The following TRERF1 variants were observed in gnomAD, a reference collection of about 807,000 sequenced individuals.
The protein encoded by TRERF1 is transcriptional regulating factor 1.
TRERF1 carries 27 observed loss-of-function variants against 122.9 expected under a neutral mutation model. The ratio of observed to expected loss-of-function variants is 0.22; its 90% CI spans 0.16 to 0.30. TRERF1 has a LOEUF of 0.30. Ranked by LOEUF, TRERF1 falls within the 10% of genes least tolerant of loss-of-function variation. TRERF1 has a pLI of 1.00. For synonymous variants in TRERF1, 636 were observed against 641.7 expected (o/e 0.99, Z 0.13); for missense variants, 1,248 against 1,560.3 (o/e 0.80, Z 3.37).
chr6:42,318,747 G>C (rs548936361), intron 3 of TRERF1, among the ~76,000 whole-genome samples: 1 of 152,354 alleles, frequency 6.6e-6, no homozygotes, highest in South Asian at 2.1e-4. Flanking sequence ...GCAGAGTTCA[G>C]TAGCTGCAAT....
At chr6:42,236,286 C>T in exon 16 of TRERF1, 15 of 1,612,260 alleles carry the variant, frequency 9.3e-6, no homozygotes, top group Non-Finnish European at 1.3e-5. Context: ...CCGTGGGAGC[C>T]AGGACGGGGA....
At chr6:42,282,553 A>C (rs1782480763) in intron 4 of TRERF1, among the ~76,000 whole-genome samples, 1 of 152,196 alleles carries the variant, frequency 6.6e-6, no homozygotes, top group Admixed American at 6.5e-5. Context: ...GTCCCAAACA[A>C]ACAAACAAAC....
intron 2 of TRERF1, among the ~76,000 whole-genome samples, chr6:42,450,175 T>A (rs778078414): frequency 2.0e-5 from 3 of 152,210 alleles, no homozygotes; most frequent in Admixed American, 6.5e-5. Context: ...CTCCAGTCAG[T>A]GAGCATCAAC....
intron 6 of TRERF1, among the ~76,000 whole-genome samples, chr6:42,265,098 C>T (rs1778915195): frequency 1.3e-5 from 2 of 152,194 alleles, no homozygotes; most frequent in Non-Finnish European, 2.9e-5. Context: ...AACAAAATGT[C>T]CTTCTTCATA....
At chr6:42,359,516 G>A (rs921894429) in intron 3 of TRERF1, among the ~76,000 whole-genome samples, 2 of 152,186 alleles carry the variant, frequency 1.3e-5, no homozygotes, top group Admixed American at 6.5e-5. Flanking sequence ...ATGAGGTCAG[G>A]AGATTGAGAC....
chr6:42,225,948 C>T (rs1328936672), exon 18 of TRERF1: 1 of 151,834 alleles, frequency 6.6e-6, no homozygotes, highest in African/African-American at 2.4e-5. Context: ...AGACATTAAC[C>T]ATTAGGAAGA....
chr6:42,268,754 C>T lies in TRERF1; in HGVS notation c.837G>A (p.Gly279=). The change falls in exon 5 of 18, where the codon GGG becomes GGA. Residue 279 remains glycine, a synonymous_variant. Transcript: ENST00000372922. This position sits in a 1 kb window ranked among gnomAD's most constrained non-coding sequence, Gnocchi z 4.4. ...TTTCTTGCATGGAGATACGCTGTTG[C>T]CCGGCTTGCTGCTGTTGCTGCGGTG... 6.2e-7 allele frequency: 1 copy of T among 1,614,164 alleles called. No individual in the cohort carries two copies. The highest frequency in any genetic ancestry group is 8.5e-7 in the Non-Finnish European group (1 of 1,180,044).
intron 2 of TRERF1, among the ~76,000 whole-genome samples, chr6:42,387,723 A>G (rs970003130): frequency 4.6e-5 from 7 of 152,184 alleles, no homozygotes; most frequent in African/African-American, 1.7e-4. Flanking sequence ...AAAAAAGCCA[A>G]TTTCATATGT....
At chr6:42,279,701 T>C (rs1305444728) in intron 4 of TRERF1, among the ~76,000 whole-genome samples, 2 of 152,086 alleles carry the variant, frequency 1.3e-5, no homozygotes, top group East Asian at 3.9e-4. Context: ...GCTGGCGCTG[T>C]CACCACATCC....
chr6:42,241,846 G>A (rs1773789624), intron 15 of TRERF1, among the ~76,000 whole-genome samples: 2 of 152,198 alleles, frequency 1.3e-5, no homozygotes, highest in Admixed American at 1.3e-4. Context: ...TGTAATCCCA[G>A]CACTTTGGGA....
intron 13 of TRERF1, among the ~76,000 whole-genome samples, chr6:42,254,019 T>C (rs558113983): frequency 1.3e-5 from 2 of 152,360 alleles, no homozygotes; most frequent in East Asian, 3.9e-4. Flanking sequence ...AGTTAGTGCA[T>C]GGAAATGAAA....
At chr6:42,377,696 A>G (rs561652462) in intron 2 of TRERF1, among the ~76,000 whole-genome samples, 3 of 152,220 alleles carry the variant, frequency 2.0e-5, no homozygotes, top group Admixed American at 2.0e-4. Context: ...AACCCTCCCT[A>G]CCCAGTTGTA....
intron 8 of TRERF1, among the ~76,000 whole-genome samples, chr6:42,261,738 C>T (rs1777912713): frequency 6.6e-6 from 1 of 152,128 alleles, no homozygotes; most frequent in Non-Finnish European, 1.5e-5. Flanking sequence ...TATTCAGTCC[C>T]ACCTACATGC....
At chr6:42,246,176 C>A (rs1003519211) in intron 14 of TRERF1, among the ~76,000 whole-genome samples, 1 of 152,094 alleles carries the variant, frequency 6.6e-6, no homozygotes, top group African/African-American at 2.4e-5. Flanking sequence ...TCTAGTTATT[C>A]TGACAGAATT....
At chr6:42,351,533 AAAAATAT>A (rs1328447820) in intron 3 of TRERF1, among the ~76,000 whole-genome samples, 4 of 152,254 alleles carry the variant, frequency 2.6e-5, no homozygotes, top group Non-Finnish European at 4.4e-5. Flanking sequence ...TTTTGTGAAG[AAAAATAT>A]ATAGCATATG....
chr6:42,449,757 A>G (rs1434414662), intron 2 of TRERF1, among the ~76,000 whole-genome samples: 2 of 152,144 alleles, frequency 1.3e-5, no homozygotes, highest in African/African-American at 4.8e-5. Context: ...AACTAACTCA[A>G]CTCTCAAACT....
intron 2 of TRERF1, among the ~76,000 whole-genome samples, chr6:42,396,834 C>T (rs1778675219): frequency 6.6e-6 from 1 of 152,220 alleles, no homozygotes; most frequent in African/African-American, 2.4e-5. Context: ...AGGACCCAGA[C>T]TTCAGAAGCA....
At position 42,268,308 on chromosome 6, in the gene TRERF1, G is replaced by A. The variant is rs1247570725; in HGVS notation, c.1283C>T (p.Pro428Leu). 2 of 1,513,336 alleles carry A rather than the reference G, an allele frequency of 1.3e-6. No individual in the cohort carries two copies. Among genetic ancestry groups the A allele is most frequent in the Non-Finnish European group, 1.8e-6 (2 of 1,132,042 alleles). The allele number at this position is 1,513,336 out of a possible 1,614,324, so 93.7% of individuals were successfully genotyped here. A position where few individuals can be genotyped will look rare whatever the true frequency, so the allele number is the denominator to read the frequency against. ...TGGGTCTCCCATTCCTGTGTCAGGA[G>A]GCCCCAGGTCCCCATGGGAGCTCAG... The change falls in exon 5 of 18, where the codon CCT becomes CTT. Residue 428 changes from proline to leucine, a missense_variant. Pro to Leu is a moderately conservative substitution (Grantham distance 98). This residue lies in a region of TRERF1 where 946 missense variants were observed against 1,073.0 expected (regional missense o/e 0.88). Transcript: ENST00000372922. The surrounding 1 kb of genome is among the most constrained non-coding windows in gnomAD (Gnocchi z 4.4).
At chr6:42,381,359 A>C (rs1775887073) in intron 2 of TRERF1, among the ~76,000 whole-genome samples, 1 of 129,748 alleles carries the variant, frequency 7.7e-6, no homozygotes, top group Non-Finnish European at 1.5e-5. Context: ...TGTTTTAAGG[A>C]ACCACCCAGG....
Sources: gnomAD v4.1 joint callset for allele counts (sites outside exome capture counted in the v4.1 genomes callset) on GRCh38, gnomAD v4.1.1 for gene constraint, gnomAD v4.1.1 regional missense constraint, Gnocchi (gnomAD v3.1) non-coding constraint, MANE v1.5 for transcripts, NCBI Gene and HGNC (gene_info 2026-07-23, HGNC 2026-07-21) for gene names.